The following GARNL3 variants were observed in gnomAD, a reference collection of about 807,000 sequenced individuals.
GARNL3 encodes GTPase activating Rap/RanGAP domain like 3.
GARNL3 carries 63 observed loss-of-function variants against 125.0 expected under a neutral mutation model. The ratio of observed to expected loss-of-function variants is 0.50; its 90% CI spans 0.41 to 0.62. The LOEUF (loss-of-function observed/expected upper bound fraction) is 0.62, where lower values mean the gene tolerates loss of function less well. GARNL3 is among the 20% of genes least tolerant of loss of function. The pLI is 0.00. For synonymous variants in GARNL3, 439 were observed against 457.5 expected (o/e 0.96, Z 0.52); for missense variants, 994 against 1,244.0 (o/e 0.80, Z 3.02).
At chr9:127,374,648 A>T (rs1831792567) in intron 22 of GARNL3, among the ~76,000 whole-genome samples, 1 of 152,242 alleles carries the variant, frequency 6.6e-6, no homozygotes, top group African/African-American at 2.4e-5. Flanking sequence ...ACTCTCAATG[A>T]TAAGAAAATA....
chr9:127,240,026 G>A (rs549285424), intron 1 of GARNL3, among the ~76,000 whole-genome samples: 19 of 152,326 alleles, frequency 1.2e-4, no homozygotes, highest in South Asian at 1.2e-3. Context: ...AATGTATTCT[G>A]TAATATTCCA....
intron 1 of GARNL3, among the ~76,000 whole-genome samples, chr9:127,267,528 A>C (rs545394169): frequency 1.3e-5 from 2 of 152,304 alleles, no homozygotes; most frequent in Admixed American, 1.3e-4. Flanking sequence ...TTATCTGTGT[A>C]AATTTTGTAA....
intron 2 of GARNL3, among the ~76,000 whole-genome samples, chr9:127,301,925 CTTTTTTTTTTTTTT>C (rs754780368): frequency 4.4e-4 from 20 of 45,440 alleles, no homozygotes; most frequent in African/African-American, 1.4e-3. Flanking sequence ...ATTGGGAGGA[CTTTTTTTTTTTTTT>C]TTTTTTTTTT....
chr9:127,238,772 A>T (rs555433819), intron 1 of GARNL3, among the ~76,000 whole-genome samples: 1 of 151,252 alleles, frequency 6.6e-6, no homozygotes, highest in East Asian at 1.9e-4. Context: ...CCCTGTGGAA[A>T]CCTGATCTGT....
intron 1 of GARNL3, among the ~76,000 whole-genome samples, chr9:127,290,402 TG>T (rs910481924): frequency 9.2e-5 from 14 of 152,116 alleles, no homozygotes; most frequent in Admixed American, 3.9e-4. Flanking sequence ...GTTAGAGAGG[TG>T]AGAAGTGCCC....
intron 2 of GARNL3, among the ~76,000 whole-genome samples, chr9:127,304,214 T>G (rs2064881721): frequency 6.6e-6 from 1 of 152,236 alleles, no homozygotes; most frequent in African/African-American, 2.4e-5. Context: ...CCAAGATCTT[T>G]TGTAAAATAG....
chr9:127,313,618 C>T, intron 4 of GARNL3, 59 bp downstream of exon 4: 3 of 1,104,926 alleles, frequency 2.7e-6, no homozygotes, highest in Non-Finnish European at 4.2e-6. Flanking sequence ...GAGATAACCC[C>T]TGTGCTGTGG....
In GARNL3 at chr9:127,354,322, G is replaced by C. The variant is rs766166136; in HGVS notation, c.1671G>C (p.Arg557Ser). ...KGKDARLFVF[R>S]LSALQKGLEG... ...AAGATGCTCGCCTCTTTGTCTTCAG[G>C]CTAAGTGCTCTGCAAAAGGGCCTTG... The change falls in exon 19 of 28, where the codon AGG becomes AGC. Residue 557 changes from arginine (R) to serine (S), a missense_variant. By Grantham distance (110) the Arg-to-Ser change is moderately radical. This residue lies in a region of GARNL3 where 728 missense variants were observed against 865.7 expected (regional missense o/e 0.84). Transcript: ENST00000373387. 1 of 1,613,762 alleles carries C rather than the reference G, an allele frequency of 6.2e-7. No homozygotes were observed. Among genetic ancestry groups the C allele is most frequent in the East Asian group, 2.2e-5 (1 of 44,880 alleles).
chr9:127,347,012 G>A (rs1255911327), intron 16 of GARNL3, among the ~76,000 whole-genome samples: 1 of 152,158 alleles, frequency 6.6e-6, no homozygotes, highest in Non-Finnish European at 1.5e-5. Context: ...AGCAACTGTG[G>A]GACCAGATCT....
intron 1 of GARNL3, among the ~76,000 whole-genome samples, chr9:127,227,862 G>C (rs2062941505): frequency 6.6e-6 from 1 of 152,154 alleles, no homozygotes; most frequent in Admixed American, 6.5e-5. Context: ...TGAGGTTATA[G>C]TGAGCTGTGA....
intron 1 of GARNL3, among the ~76,000 whole-genome samples, chr9:127,289,638 T>C (rs1479021517): frequency 1.3e-5 from 2 of 152,130 alleles, no homozygotes; most frequent in East Asian, 3.9e-4. Flanking sequence ...CCCTCAGAGG[T>C]AGAGCTGATA....
intron 20 of GARNL3, 131 bp downstream of exon 20, chr9:127,355,603 T>C: frequency 1.3e-6 from 1 of 791,722 alleles, no homozygotes; most frequent in South Asian, 1.6e-5. Flanking sequence ...AACCCTCATC[T>C]CTGGTGCCCT....
intron 1 of GARNL3, among the ~76,000 whole-genome samples, chr9:127,287,661 A>G (rs1386230344): frequency 6.6e-6 from 1 of 152,198 alleles, no homozygotes; most frequent in Non-Finnish European, 1.5e-5. Context: ...GAGTGTGACC[A>G]GTAGGATCTC....
In GARNL3 at chr9:127,332,097, A is replaced by G. The variant is rs933807589; in HGVS notation, c.595-177A>G. On this transcript the variant is annotated intron_variant, in intron 7 of 27. Transcript: ENST00000373387. ...ATCTGTAAGCTATAAATACCTATCA[A>G]AATGAAGGAATGATTGTTGTTAACA... 3.9e-5 allele frequency among the ~76,000 whole-genome samples: 6 copies of G among 152,290 alleles called. No homozygotes were observed. The South Asian group carries it at 1.0e-3, about 26-fold the overall frequency.
chr9:127,291,556 G>A (rs2064416374), intron 2 of GARNL3, among the ~76,000 whole-genome samples: 1 of 152,118 alleles, frequency 6.6e-6, no homozygotes, highest in Admixed American at 6.5e-5. Flanking sequence ...TGATCAGCTT[G>A]GCACAGCCAT....
At chr9:127,330,602 C>G (rs142925160) in intron 7 of GARNL3, among the ~76,000 whole-genome samples, 28 of 152,238 alleles carry the variant, frequency 1.8e-4, no homozygotes, top group South Asian at 4.2e-4. Context: ...GAAACAGATA[C>G]GCAAGTTCAA....
chr9:127,367,724 G>C (rs1431668463), intron 22 of GARNL3, among the ~76,000 whole-genome samples: 1 of 152,198 alleles, frequency 6.6e-6, no homozygotes, highest in Non-Finnish European at 1.5e-5. Context: ...GTTTGCTGAT[G>C]ATGCTTTAAA....
intron 2 of GARNL3, among the ~76,000 whole-genome samples, chr9:127,245,186 A>G (rs903558329): frequency 1.3e-5 from 2 of 152,202 alleles, no homozygotes; most frequent in Non-Finnish European, 2.9e-5. Context: ...CTGCCTTTCC[A>G]GACTGCAAGG....
At chr9:127,339,533 C>A in intron 12 of GARNL3, 112 bp from the exon 13 acceptor site, 1 of 748,670 alleles carries the variant, frequency 1.3e-6, no homozygotes, top group South Asian at 1.6e-5. Context: ...CCCTGGGTCC[C>A]ACCCATGGCA....
Sources: gnomAD v4.1 joint callset for allele counts (sites outside exome capture counted in the v4.1 genomes callset) on GRCh38, gnomAD v4.1.1 for gene constraint, gnomAD v4.1.1 regional missense constraint, MANE v1.5 for transcripts, NCBI Gene and HGNC (gene_info 2026-07-23, HGNC 2026-07-21) for gene names.